IDUA: variants seen among roughly 807,000 people sequenced by gnomAD.
IDUA encodes iduronidase alpha-L-.
Under a neutral mutation model 68.9 loss-of-function variants are expected in IDUA, and 65 were observed. That is an observed-to-expected ratio of 0.94 (90% CI 0.77 to 1.16). The LOEUF is 1.16. IDUA is among the 50% of genes most tolerant of loss of function. IDUA has a pLI of 0.00. For synonymous variants in IDUA, 529 were observed against 433.6 expected (o/e 1.22, Z -2.73); for missense variants, 1,046 against 938.0 (o/e 1.12, Z -1.50).
chr4:992,094 C>T (rs1472216814), intron 2 of IDUA: 1 of 513,182 alleles, frequency 1.9e-6, no homozygotes, highest in African/African-American at 1.9e-5. Flanking sequence ...TCCTGAAGCT[C>T]ACCTCCCCAA....
rs398123256 is a variant in IDUA at position 1,003,475 on chromosome 4, G to A, written c.1650+5G>A. ...CCCGAGAAGCCGCCCGGGCAGGCAA[G>A]TGGCAGTCCCCTAACCCGCGCCGCG... On this transcript the variant is annotated splice_donor_5th_base_variant and intron_variant, in intron 11 of 13. Transcript: ENST00000514224. 10 of 1,577,762 alleles carry A rather than the reference G, an allele frequency of 6.3e-6. No individual in the cohort carries two copies. Among genetic ancestry groups the A allele is most frequent in the Non-Finnish European group, 8.6e-6 (10 of 1,168,416 alleles).
chr4:1,002,760 G>T lies in IDUA; in HGVS notation c.1218G>T (p.Ser406=), dbSNP rs917822878. 29 of 1,483,410 alleles carry T rather than the reference G, an allele frequency of 2.0e-5. No homozygotes were observed. Among genetic ancestry groups the T allele is most frequent in the Non-Finnish European group, 2.5e-5 (28 of 1,123,378 alleles). 91.9% of individuals were successfully genotyped at this position (1,483,410 alleles called of 1,614,324 possible). A position where few individuals can be genotyped will look rare whatever the true frequency, so the allele number is the denominator to read the frequency against. Residue 406 remains serine, a synonymous_variant, in exon 9 of 14, where the codon TCG becomes TCT. Transcript: ENST00000514224. ...LDEEQLWAEV[S]QAGTVLDSNH... is the part of the protein sequence containing the mutation. Reference sequence around the variant, plus strand: ...AGGAGCAGCTCTGGGCCGAAGTGTCGCAGGCCGGGACCGTCCTGGACAGCA... The same window carrying T: ...AGGAGCAGCTCTGGGCCGAAGTGTCTCAGGCCGGGACCGTCCTGGACAGCA...
chr4:1,003,412 G>A lies in IDUA; in HGVS notation c.1592G>A (p.Arg531Gln), dbSNP rs920228043. The change falls in exon 11 of 14, where the codon CGG becomes CAG. Residue 531 changes from arginine (R) to glutamine (Q), a missense_variant. Transcript: ENST00000514224. ...CGCCTGACCCTGCGCCCCGCGCTGCGGCTGCCGTCGCTTTTGCTGGTGCAC... is the reference window on the plus strand; with the variant it reads ...CGCCTGACCCTGCGCCCCGCGCTGCAGCTGCCGTCGCTTTTGCTGGTGCAC... ...GGRLTLRPAL[R>Q]LPSLLLVHVC... 38 of 1,526,150 alleles carry A rather than the reference G, an allele frequency of 2.5e-5. No individual in the cohort carries two copies. Among genetic ancestry groups the A allele is most frequent in the Non-Finnish European group, 2.7e-5 (31 of 1,143,572 alleles). 94.5% of individuals were successfully genotyped at this position (1,526,150 alleles called of 1,614,324 possible).
chr4:990,305 GC>G (rs1449890818), intron 2 of IDUA: 6 of 1,605,078 alleles, frequency 3.7e-6, no homozygotes. Flanking sequence ...AAGCCATCGA[GC>G]AGTGGCTGTG....
intron 2 of IDUA, chr4:988,509 C>G (rs73211816): frequency 8.6e-7 from 1 of 1,165,868 alleles, no homozygotes; most frequent in Non-Finnish European, 1.1e-6. Flanking sequence ...GGCGGGGGAC[C>G]CTTGTTCAAA....
intron 2 of IDUA, chr4:992,323 A>G: frequency 2.5e-6 from 1 of 407,068 alleles, no homozygotes. Context: ...AGACACCTCC[A>G]CCCACCCCTC....
chr4:1,000,659 G>A lies in IDUA; in HGVS notation c.347G>A (p.Gly116Glu). 2 of 1,612,758 alleles carry A rather than the reference G, an allele frequency of 1.2e-6. No individual in the cohort carries two copies. The highest frequency in any genetic ancestry group is 1.3e-5 in the African/African-American group (1 of 75,068). The change falls in exon 3 of 14, where the codon GGG becomes GAG. Residue 116 changes from glycine (G) to glutamate (E), a missense_variant. Gly to Glu is a moderately conservative substitution (Grantham distance 98). Transcript: ENST00000514224. ...GLSYNFTHLD[G>E]YLDLLRENQL... is the part of the protein sequence containing the mutation. ...AGCTACAACTTCACCCACCTGGACG[G>A]GTACCTGGACCTTCTCAGGGAGAAC...
chr4:989,556 C>A, intron 2 of IDUA: 1 of 1,579,596 alleles, frequency 6.3e-7, no homozygotes, highest in Non-Finnish European at 8.6e-7. Flanking sequence ...GCCACAGCCG[C>A]GGGAGGTCCC....
chr4:987,965 G>A lies in IDUA; in HGVS notation c.299+16G>A. The A allele has an allele frequency of 1.3e-6, 2 of 1,557,448 alleles. No individual in the cohort carries two copies. Among genetic ancestry groups the A allele is most frequent in the South Asian group, 1.2e-5 (1 of 85,010 alleles). ...TCACCACCAGGTGGGCGGCGGGCAGGGTCTGGGCGTCCCAGAGCCCCTTAC... is the reference window on the plus strand; with the variant it reads ...TCACCACCAGGTGGGCGGCGGGCAGAGTCTGGGCGTCCCAGAGCCCCTTAC... On this transcript the variant is annotated intron_variant, in intron 2 of 13. Transcript: ENST00000514224.
In IDUA at chr4:1,001,972, C is replaced by G. The variant is rs886059754; in HGVS notation, c.793-10C>G. 1 of 1,577,268 alleles carries G rather than the reference C, an allele frequency of 6.3e-7. No homozygotes were observed. On this transcript the variant is annotated splice_polypyrimidine_tract_variant and intron_variant, in intron 6 of 13. Transcript: ENST00000514224. The stretch of plus-strand genomic sequence containing the variant: ...TGACCCTGGTGGTGCTGAGGCGGCC[C>G]CGCCCGCAGGGTGCGCGCAGCTCCA...
chr4:990,274 G>C (rs1714176957), intron 2 of IDUA: 1 of 1,598,686 alleles, frequency 6.3e-7, no homozygotes, highest in Admixed American at 1.7e-5. Context: ...GGTCAGGATG[G>C]TCACGGAGGC....
At chr4:1,003,982 C>G in intron 12 of IDUA, 30 bp from the exon 13 acceptor site, 1 of 1,568,312 alleles carries the variant, frequency 6.4e-7, no homozygotes, top group Non-Finnish European at 8.8e-7. Context: ...TGTCTTGACC[C>G]CAGCCTTGTT....
rs750760790 is a variant in IDUA, at chr4:991,795, C to T, written c.299+3846C>T. ...ATCCAGGGCCAAACGACAAGGTCCC[C>T]GGCAGCAACGGGCCCCTTGGGGCGG... On this transcript the variant is annotated intron_variant, in intron 2 of 13. Transcript: ENST00000514224. 58 of 1,530,386 alleles carry T rather than the reference C, an allele frequency of 3.8e-5. No homozygotes were observed. In the Admixed American group the frequency reaches 5.6e-4, roughly 15 times the overall value. The allele number at this position is 1,530,386 out of a possible 1,614,324, so 94.8% of individuals were successfully genotyped here.
In IDUA at chr4:987,849, A is replaced by G. The variant is rs370442463; in HGVS notation, c.199A>G (p.Ser67Gly). Residue 67 changes from serine (S) to glycine (G), a missense_variant, in exon 2 of 14, where the codon AGC becomes GGC. Ser to Gly is a moderately conservative substitution (Grantham distance 56, BLOSUM62 0). Coordinates refer to ENST00000514224, the MANE Select transcript of IDUA (RefSeq NM_000203.5). ...PHSQADQYVL[S>G]WDQQLNLAYV... is the part of the protein sequence containing the mutation. ...CAGCCAGGCTGACCAGTACGTCCTC[A>G]GCTGGGACCAGCAGCTCAACCTCGC... The G allele has an allele frequency of 1.2e-5, 20 of 1,612,328 alleles. No homozygotes were observed. The African/African-American group carries it at 2.1e-4, about 17-fold the overall frequency.
intron 1 of IDUA, 199 bp from the exon 2 acceptor site, chr4:987,610 C>A: frequency 4.2e-6 from 6 of 1,436,088 alleles, no homozygotes; most frequent in Non-Finnish European, 5.5e-6. Flanking sequence ...GTTGGCCCCT[C>A]GTCTTACTGC....
At chr4:992,045 T>C in intron 2 of IDUA, 2 of 579,268 alleles carry the variant, frequency 3.5e-6, no homozygotes, top group Non-Finnish European at 6.5e-6. Context: ...CTCCGGCCTA[T>C]TGGCTCTGCG....
At position 1,002,040 on chromosome 4, in the gene IDUA, G is replaced by T. The variant is rs1209648267; in HGVS notation, c.851G>T (p.Arg284Leu). The change falls in exon 7 of 14, where the codon CGG (arginine) becomes CTG (leucine). Residue 284 changes from arginine to leucine, a missense_variant. Transcript: ENST00000514224. The part of the protein sequence containing the change: ...EQEKVVAQQI[R>L]QLFPKFADTP... ...GAGAAGGTCGTCGCGCAGCAGATCC[G>T]GCAGCTCTTCCCCAAGTTCGCGGAC... 2 of 1,598,280 alleles carry T rather than the reference G, an allele frequency of 1.3e-6. No individual in the cohort carries two copies. The highest frequency in any genetic ancestry group is 3.5e-5 in the Admixed American group (2 of 57,262).
At chr4:1,001,609 G>T (rs376264875) in intron 5 of IDUA, 46 bp downstream of exon 5, 7 of 1,609,468 alleles carry the variant, frequency 4.3e-6, no homozygotes, top group Non-Finnish European at 5.9e-6. Flanking sequence ...AGGGGGCAGA[G>T]GAAGGCAGGA....
chr4:1,002,542 C>G, intron 8 of IDUA, 57 bp downstream of exon 8: 1 of 1,383,104 alleles, frequency 7.2e-7, no homozygotes, highest in Non-Finnish European at 9.4e-7. Context: ...GGGAGCGGCT[C>G]CTGCGAAGGC....
Sources: allele counts gnomAD v4.1 joint callset, GRCh38; gene constraint gnomAD v4.1.1; transcripts MANE v1.5; gene names NCBI Gene and HGNC (gene_info 2026-07-23, HGNC 2026-07-21).